The following SRPK2 variants were observed in gnomAD, a reference collection of about 807,000 sequenced individuals.
SRPK2 encodes the protein SRSF protein kinase 2, also known as SFRS protein kinase 2.
A neutral mutation model predicts 90.8 loss-of-function variants in SRPK2; 21 were observed. The ratio of observed to expected loss-of-function variants is 0.23; its 90% CI spans 0.16 to 0.33. The LOEUF (loss-of-function observed/expected upper bound fraction) is 0.33. SRPK2 is among the 10% of genes least tolerant of loss of function. The probability of loss-of-function intolerance (pLI) is 1.00; values close to 1 mark genes in which losing one functional copy is unlikely to be tolerated. For missense variants in SRPK2, 620 were observed against 869.0 expected (o/e 0.71, Z 3.60); for synonymous variants, 288 against 311.1 (o/e 0.93, Z 0.78).
chr7:105,245,781 C>G (rs181685114), intron 2 of SRPK2, among the ~76,000 whole-genome samples: 1 of 152,282 alleles, frequency 6.6e-6, no homozygotes, highest in African/African-American at 2.4e-5. Context: ...TTCACAGGCA[C>G]AATCTTCATG....
At chr7:105,396,054 T>G (rs929473679) in intron 1 of SRPK2, among the ~76,000 whole-genome samples, 2 of 152,018 alleles carry the variant, frequency 1.3e-5, no homozygotes, top group Non-Finnish European at 2.9e-5. Flanking sequence ...TAGCTGGGAT[T>G]ACAGGCATGC....
At chr7:105,212,251 T>C (rs1796948464) in intron 2 of SRPK2, among the ~76,000 whole-genome samples, 2 of 152,188 alleles carry the variant, frequency 1.3e-5, no homozygotes, top group Non-Finnish European at 2.9e-5. Flanking sequence ...GCATGTAAAA[T>C]GACATCCACT....
At chr7:105,374,644 G>A (rs762373271) in intron 2 of SRPK2, among the ~76,000 whole-genome samples, 2 of 152,090 alleles carry the variant, frequency 1.3e-5, no homozygotes, top group Non-Finnish European at 1.5e-5. Context: ...TCATTCGGTC[G>A]CCCAGGTTGG....
At chr7:105,377,389 G>C (rs1040680693) in intron 2 of SRPK2, among the ~76,000 whole-genome samples, 1 of 151,518 alleles carries the variant, frequency 6.6e-6, no homozygotes, top group East Asian at 1.9e-4. Context: ...AATTTATATA[G>C]AGACCTCAAA....
At chr7:105,126,483 T>C (rs1801229959) in intron 14 of SRPK2, 143 bp from the exon 15 acceptor site, 2 of 656,852 alleles carry the variant, frequency 3.0e-6, no homozygotes, top group Admixed American at 2.8e-5. Context: ...ATGCAGAGGC[T>C]TGTGGGAATG....
intron 7 of SRPK2, among the ~76,000 whole-genome samples, chr7:105,158,815 T>G (rs934481517): frequency 1.2e-4 from 18 of 151,468 alleles, no homozygotes; most frequent in Admixed American, 3.3e-4. Flanking sequence ...TTTTTGTGTT[T>G]TTTTTTTTTT....
chr7:105,292,497 C>CAAAA (rs397889533), intron 2 of SRPK2, among the ~76,000 whole-genome samples: 15,634 of 74,758 alleles, frequency 0.21, 3,786 homozygotes, highest in Non-Finnish European at 0.28. Flanking sequence ...GTAAGACTCT[C>CAAAA]AAAAAAAAAA....
At chr7:105,328,399 T>TA (rs1239212702) in intron 2 of SRPK2, among the ~76,000 whole-genome samples, 1 of 149,184 alleles carries the variant, frequency 6.7e-6, no homozygotes, top group East Asian at 2.0e-4. Flanking sequence ...TCGTGTCTAC[T>TA]AAAAATACAA....
Position 105,160,683 on chromosome 7 carries a change from T to C in SRPK2, c.515-70A>G, listed in dbSNP as rs142556686. ...GAGGCAGTTATTGAAAGCAGCACCATTGTGTCACTTGCAAAGCACTTATTA... is the reference window on the plus strand; with the variant it reads ...GAGGCAGTTATTGAAAGCAGCACCACTGTGTCACTTGCAAAGCACTTATTA... On this transcript the variant is annotated intron_variant, in intron 6 of 15. Coordinates refer to ENST00000393651, the MANE Select transcript of SRPK2 (RefSeq NM_182692.3). The C allele has an allele frequency of 4.2e-4, 344 of 826,504 alleles. 1 individual carries two copies. In the African/African-American group the frequency reaches 5.0e-3, roughly 12 times the overall value. 51.2% of individuals were successfully genotyped at this position (826,504 alleles called of 1,614,324 possible).
intron 2 of SRPK2, among the ~76,000 whole-genome samples, chr7:105,251,014 G>A (rs1315299940): frequency 6.6e-6 from 1 of 152,174 alleles, no homozygotes; most frequent in East Asian, 1.9e-4. Context: ...CTACTCAGGG[G>A]TACGTGGCAG....
intron 2 of SRPK2, among the ~76,000 whole-genome samples, chr7:105,205,519 A>T (rs111345880): frequency 0.1 from 1,368 of 13,494 alleles, 13 homozygotes; most frequent in African/African-American, 0.3. Context: ...TCTCTCTCTC[A>T]CACACACACA....
At chr7:105,356,908 C>G (rs1817841090) in intron 2 of SRPK2, among the ~76,000 whole-genome samples, 1 of 152,194 alleles carries the variant, frequency 6.6e-6, no homozygotes, top group African/African-American at 2.4e-5. Context: ...AAAGCATCTG[C>G]TACCCTAACA....
At chr7:105,269,592 A>T (rs1048112325) in intron 2 of SRPK2, among the ~76,000 whole-genome samples, 2 of 152,228 alleles carry the variant, frequency 1.3e-5, no homozygotes, top group African/African-American at 4.8e-5. Context: ...TTGACAATAG[A>T]CATCTACAAC....
chr7:105,174,375 C>CA (rs1305692787), intron 3 of SRPK2, among the ~76,000 whole-genome samples: 1 of 152,064 alleles, frequency 6.6e-6, no homozygotes, highest in Non-Finnish European at 1.5e-5. Context: ...TTCAGAACTC[C>CA]ATGACAATGT....
intron 2 of SRPK2, 105 bp from the exon 3 acceptor site, chr7:105,203,890 T>C (rs1307904326): frequency 1.5e-5 from 20 of 1,330,588 alleles, no homozygotes; most frequent in Non-Finnish European, 1.9e-5. Flanking sequence ...ACTTGTCACA[T>C]ACTAAGAAGA....
In SRPK2 at chr7:105,349,351, C is replaced by T. The variant is rs547234980; in HGVS notation, c.71+39297G>A. The stretch of plus-strand genomic sequence containing the variant: ...CAGCCCGACCAACATGGAGAAGCCC[C>T]ATCTCTACTAAAAATACAAAATTAA... On this transcript the variant is annotated intron_variant, in intron 2 of 15. Coordinates refer to ENST00000393651, the MANE Select transcript of SRPK2 (RefSeq NM_182692.3). Among the ~76,000 whole-genome samples, 4 of 149,706 alleles carry T rather than the reference C, an allele frequency of 2.7e-5. No homozygotes were observed. In the East Asian group the frequency reaches 7.9e-4, roughly 30 times the overall value.
chr7:105,270,413 T>C (rs1209096272), intron 2 of SRPK2, among the ~76,000 whole-genome samples: 2 of 51,532 alleles, frequency 3.9e-5, no homozygotes, highest in Non-Finnish European at 1.3e-4. Context: ...CTCTGCCCTT[T>C]TTTTTTTTTT....
In SRPK2 at chr7:105,242,090, G is replaced by A. The variant is rs145486010; in HGVS notation, c.72-38305C>T. Among the ~76,000 whole-genome samples, 344 of 152,246 alleles carry A rather than the reference G, an allele frequency of 2.3e-3. 1 individual carries two copies. Among genetic ancestry groups the A allele is most frequent in the African/African-American group, 8.0e-3 (331 of 41,534 alleles). On this transcript the variant is annotated intron_variant, in intron 2 of 15. Coordinates refer to ENST00000393651, the MANE Select transcript of SRPK2 (RefSeq NM_182692.3). ...TTATGTCATTATCAGCTGGTTGACG[G>A]CAGGCAACATTTCTAAGTCTGTGAC...
intron 2 of SRPK2, among the ~76,000 whole-genome samples, chr7:105,280,857 G>A (rs1440571767): frequency 1.4e-5 from 2 of 141,996 alleles, no homozygotes; most frequent in Non-Finnish European, 3.0e-5. Context: ...TGACGCAGGA[G>A]AATGGCGTGA....
Sources: allele counts gnomAD v4.1 joint callset (sites outside exome capture counted in the v4.1 genomes callset), GRCh38; gene constraint gnomAD v4.1.1; transcripts MANE v1.5; gene names NCBI Gene and HGNC (gene_info 2026-07-23, HGNC 2026-07-21).